USP10: variants seen among roughly 807,000 people sequenced by gnomAD.
The protein encoded by USP10 is ubiquitin specific peptidase 10, also known as ubiquitin carboxyl-terminal hydrolase 10.
Under a neutral mutation model 84.5 loss-of-function variants are expected in USP10, and 22 were observed. The ratio of observed to expected loss-of-function variants is 0.26; its 90% CI spans 0.19 to 0.37. The LOEUF (loss-of-function observed/expected upper bound fraction) is 0.37, where lower values mean the gene tolerates loss of function less well. Among genes scored for constraint, USP10 ranks in the 10% least tolerant of loss-of-function variants. The pLI is 1.00. For missense variants in USP10, 1,019 were observed against 998.9 expected, an observed-to-expected ratio of 1.02 and a Z score of -0.27; for synonymous variants, 454 against 387.6, an observed-to-expected ratio of 1.17 and a Z score of -2.01.
chr16:84,774,697 C>T (rs1422000527), intron 12 of USP10, among the ~76,000 whole-genome samples: 4 of 152,088 alleles, frequency 2.6e-5, no homozygotes, highest in Non-Finnish European at 5.9e-5. Flanking sequence ...GTCTCGATCT[C>T]CTGACCTCGT....
At chr16:84,747,237 T>G (rs191707635) in intron 4 of USP10, among the ~76,000 whole-genome samples, 1 of 152,322 alleles carries the variant, frequency 6.6e-6, no homozygotes, top group East Asian at 1.9e-4. Context: ...ATAAGCTGTT[T>G]GGTTTAGGCT....
chr16:84,755,320 T>C (rs1912405045), intron 4 of USP10, among the ~76,000 whole-genome samples: 1 of 151,874 alleles, frequency 6.6e-6, no homozygotes. Context: ...GCTGTTTCAC[T>C]CCTTCTCCCA....
At chr16:84,736,151 T>TAACA (rs1216815093) in intron 2 of USP10, among the ~76,000 whole-genome samples, 1 of 152,206 alleles carries the variant, frequency 6.6e-6, no homozygotes, top group Admixed American at 6.5e-5. Context: ...ATCTCTCAGG[T>TAACA]AACATAATTG....
chr16:84,703,954 G>T (rs1905187461), intron 1 of USP10, among the ~76,000 whole-genome samples: 1 of 152,236 alleles, frequency 6.6e-6, no homozygotes, highest in African/African-American at 2.4e-5. Context: ...CCAGTGTTCT[G>T]TTACGTGGAA....
chr16:84,731,435 G>A (rs375772969), intron 1 of USP10, among the ~76,000 whole-genome samples: 8 of 152,010 alleles, frequency 5.3e-5, no homozygotes, highest in Non-Finnish European at 1.0e-4. Context: ...CACAGCTGCC[G>A]TGTGTTTCTT....
At chr16:84,728,738 C>G (rs1050788708) in intron 1 of USP10, among the ~76,000 whole-genome samples, 4 of 152,146 alleles carry the variant, frequency 2.6e-5, no homozygotes, top group Admixed American at 2.0e-4. Flanking sequence ...TCAGCATATG[C>G]AAAAATTACC....
chr16:84,738,482 A>G (rs1359938046), intron 2 of USP10, among the ~76,000 whole-genome samples: 2 of 152,170 alleles, frequency 1.3e-5, no homozygotes, highest in African/African-American at 4.8e-5. Context: ...CCTGAGACAC[A>G]CATGGCCGCT....
chr16:84,706,593 T>A (rs1435622956), intron 1 of USP10, among the ~76,000 whole-genome samples: 1 of 151,186 alleles, frequency 6.6e-6, no homozygotes, highest in East Asian at 1.9e-4. Context: ...CAGGCTGGAG[T>A]GCAGTGGCGC....
chr16:84,731,263 G>A (rs1276404234), intron 1 of USP10, among the ~76,000 whole-genome samples: 3 of 150,996 alleles, frequency 2.0e-5, no homozygotes, highest in Non-Finnish European at 4.4e-5. Context: ...ACAGGTGTGA[G>A]CCACCGCTCC....
At chr16:84,709,479 G>T (rs1905989553) in intron 1 of USP10, among the ~76,000 whole-genome samples, 1 of 152,136 alleles carries the variant, frequency 6.6e-6, no homozygotes, top group Non-Finnish European at 1.5e-5. Context: ...GTGTGGAAGA[G>T]GGGGTGGTAC....
chr16:84,700,664 C>T (rs899906674), intron 1 of USP10, among the ~76,000 whole-genome samples: 9 of 152,166 alleles, frequency 5.9e-5, no homozygotes, highest in South Asian at 4.1e-4. Flanking sequence ...AGAGTAGCGG[C>T]CTTGGGCTGC....
chr16:84,707,967 A>G (rs918990329), intron 1 of USP10, among the ~76,000 whole-genome samples: 1 of 152,132 alleles, frequency 6.6e-6, no homozygotes, highest in African/African-American at 2.4e-5. Flanking sequence ...AGTCCCACCT[A>G]CTTGGGAGGT....
chr16:84,750,093 A>T (rs58798707), intron 4 of USP10, among the ~76,000 whole-genome samples: 4,898 of 152,130 alleles, frequency 0.032, 239 homozygotes, highest in African/African-American at 0.11. Context: ...GTTGCCATTT[A>T]TCAGTAGGAG....
At chr16:84,745,785 G>C in intron 4 of USP10, 112 bp downstream of exon 4, 1 of 1,134,572 alleles carries the variant, frequency 8.8e-7, no homozygotes, top group Non-Finnish European at 1.2e-6. Flanking sequence ...TGTGTTAATA[G>C]CAACGTCTGA....
chr16:84,767,267 T>C (rs1913966026), intron 10 of USP10, among the ~76,000 whole-genome samples: 1 of 151,048 alleles, frequency 6.6e-6, no homozygotes, highest in Non-Finnish European at 1.5e-5. Context: ...ACCCCTGGAA[T>C]GTTTCCTTGC....
At chr16:84,700,956 A>G (rs1161246026) in intron 1 of USP10, among the ~76,000 whole-genome samples, 1 of 151,930 alleles carries the variant, frequency 6.6e-6, no homozygotes, top group Non-Finnish European at 1.5e-5. Flanking sequence ...AAAAATCGGC[A>G]TGATGTATTA....
At chr16:84,709,737 T>C (rs1233515148) in intron 1 of USP10, among the ~76,000 whole-genome samples, 1 of 152,084 alleles carries the variant, frequency 6.6e-6, no homozygotes, top group African/African-American at 2.4e-5. Flanking sequence ...ACGTCTCTTG[T>C]AGAACGGTGA....
chr16:84,761,406 G>A (rs2051663966), intron 8 of USP10, among the ~76,000 whole-genome samples: 1 of 152,256 alleles, frequency 6.6e-6, no homozygotes, highest in African/African-American at 2.4e-5. Context: ...GAAGAACTCA[G>A]AAAATGCAGA....
intron 1 of USP10, among the ~76,000 whole-genome samples, chr16:84,710,612 G>A (rs779902018): frequency 1.3e-5 from 2 of 152,130 alleles, no homozygotes; most frequent in African/African-American, 2.4e-5. Context: ...GATTATATTC[G>A]TAGAAAATAT....
Sources: allele counts gnomAD v4.1 joint callset (sites outside exome capture counted in the v4.1 genomes callset), GRCh38; gene constraint gnomAD v4.1.1; transcripts MANE v1.5; gene names NCBI Gene and HGNC (gene_info 2026-07-23, HGNC 2026-07-21).